Variants in ZNF469 observed in about 807,000 individuals in gnomAD.
ZNF469 encodes the protein zinc finger protein 469.
Under a neutral mutation model 1.0 loss-of-function variants are expected in ZNF469, and 1 was observed. The observed-to-expected ratio is 1.00, with a 90% CI of 0.35 to 4.73. The LOEUF is 4.73. Among genes scored for constraint, ZNF469 ranks in the 30% most tolerant of loss-of-function variants. The probability of loss-of-function intolerance (pLI) is 0.16; values close to 1 mark genes in which losing one functional copy is unlikely to be tolerated. For synonymous variants in ZNF469, 2,703 were observed against 2,363.4 expected (o/e 1.14, Z -4.17); for missense variants, 6,100 against 5,356.3 (o/e 1.14, Z -4.33).
At chr16:88,263,164 C>T in the ZNF469 span, among the ~76,000 whole-genome samples, 2 of 152,192 alleles carry the variant, frequency 1.3e-5, no homozygotes, top group Non-Finnish European at 2.9e-5. Context: ...TGTCCAACCC[C>T]GGGGTTTACG....
At chr16:88,298,501 C>T in the ZNF469 span, among the ~76,000 whole-genome samples, 12 of 152,266 alleles carry the variant, frequency 7.9e-5, no homozygotes, top group South Asian at 4.2e-4. Context: ...CCCTGGAAGG[C>T]GAAACTCAAA....
the ZNF469 span, among the ~76,000 whole-genome samples, chr16:88,219,184 C>T: frequency 6.7e-6 from 1 of 148,482 alleles, no homozygotes; most frequent in Non-Finnish European, 1.5e-5. Context: ...GTGAAAATGG[C>T]CATACTGCCC....
the ZNF469 span, among the ~76,000 whole-genome samples, chr16:88,163,895 A>ATGG: frequency 5.8e-4 from 81 of 140,426 alleles, no homozygotes; most frequent in Non-Finnish European, 7.1e-4. Context: ...TGGGTAGATG[A>ATGG]ATGGATGGAT....
the ZNF469 span, among the ~76,000 whole-genome samples, chr16:88,216,684 G>A: frequency 5.3e-5 from 8 of 152,114 alleles, no homozygotes; most frequent in Admixed American, 6.5e-5. Context: ...TCATGCTTCT[G>A]ATTGAAAGGG....
At chr16:88,358,445 A>G in the ZNF469 span, among the ~76,000 whole-genome samples, 1 of 152,138 alleles carries the variant, frequency 6.6e-6, no homozygotes, top group Non-Finnish European at 1.5e-5. Flanking sequence ...AATGTCTGTA[A>G]AATGAACCTG....
chr16:88,293,931 G>T, the ZNF469 span, among the ~76,000 whole-genome samples: 1 of 152,172 alleles, frequency 6.6e-6, no homozygotes, highest in African/African-American at 2.4e-5. Context: ...CGTGACACAG[G>T]TGGAGGGAAC....
chr16:88,342,530 A>C, the ZNF469 span, among the ~76,000 whole-genome samples: 1 of 152,110 alleles, frequency 6.6e-6, no homozygotes, highest in East Asian at 1.9e-4. Context: ...ACTGCCCTGC[A>C]CTCAGGTAGG....
At chr16:88,127,054 C>G in the ZNF469 span, among the ~76,000 whole-genome samples, 1 of 152,302 alleles carries the variant, frequency 6.6e-6, no homozygotes, top group Admixed American at 6.5e-5. Context: ...AACTCCTGAC[C>G]TCAGGTGATC....
At chr16:88,392,114 AATTGT>A (rs767181602) in intron 1 of ZNF469, among the ~76,000 whole-genome samples, 7 of 152,286 alleles carry the variant, frequency 4.6e-5, no homozygotes, top group Non-Finnish European at 8.8e-5. Flanking sequence ...AGATGAAGTT[AATTGT>A]ATTGTATCTG....
the ZNF469 span, among the ~76,000 whole-genome samples, chr16:88,335,833 ATGTT>A: frequency 6.6e-6 from 1 of 152,094 alleles, no homozygotes; most frequent in African/African-American, 2.4e-5. Flanking sequence ...AATACCACAC[ATGTT>A]CATCCTTCAT....
At chr16:88,177,482 T>C in the ZNF469 span, 2 of 152,142 alleles carry the variant, frequency 1.3e-5, no homozygotes, top group East Asian at 1.9e-4. The surrounding 1 kb of genome is among the most constrained non-coding windows in gnomAD (Gnocchi z 4.8). Flanking sequence ...TGAAGCGACA[T>C]GTTCTAAAGT....
At chr16:88,406,233 C>T (rs56256426) in intron 1 of ZNF469, among the ~76,000 whole-genome samples, 7,834 of 152,216 alleles carry the variant, frequency 0.051, 247 homozygotes, top group East Asian at 0.071. Flanking sequence ...AGGGCAGAAA[C>T]GTGGGTGTGT....
At chr16:88,130,323 T>C in the ZNF469 span, among the ~76,000 whole-genome samples, 2 of 151,996 alleles carry the variant, frequency 1.3e-5, no homozygotes, top group Non-Finnish European at 2.9e-5. Flanking sequence ...GTATAGTCAG[T>C]TCTGCCAAAA....
chr16:88,200,412 C>T, the ZNF469 span, among the ~76,000 whole-genome samples: 4 of 152,296 alleles, frequency 2.6e-5, no homozygotes, highest in African/African-American at 4.8e-5. Context: ...CATAGGGGAC[C>T]GAGGAACCGC....
chr16:88,338,573 A>G, the ZNF469 span, among the ~76,000 whole-genome samples: 1 of 152,326 alleles, frequency 6.6e-6, no homozygotes, highest in African/African-American at 2.4e-5. Context: ...ACCAAGGAAG[A>G]AACACGGAGG....
At chr16:88,268,440 A>G in the ZNF469 span, among the ~76,000 whole-genome samples, 16 of 152,172 alleles carry the variant, frequency 1.1e-4, no homozygotes, top group Non-Finnish European at 5.9e-5. Flanking sequence ...CCTCCTCTCA[A>G]CTGAGACCGT....
At chr16:88,216,878 A>G in the ZNF469 span, among the ~76,000 whole-genome samples, 2 of 150,658 alleles carry the variant, frequency 1.3e-5, no homozygotes, top group East Asian at 1.9e-4. Flanking sequence ...ACTGTTTTCC[A>G]GTTTACCAAG....
At chr16:88,167,093 C>T in the ZNF469 span, among the ~76,000 whole-genome samples, 1 of 146,192 alleles carries the variant, frequency 6.8e-6, no homozygotes, top group African/African-American at 2.5e-5. Context: ...AGGGAAATCC[C>T]ATCTGTCCTC....
chr16:88,269,865 C>T, the ZNF469 span, among the ~76,000 whole-genome samples: 5 of 152,060 alleles, frequency 3.3e-5, no homozygotes, highest in East Asian at 5.8e-4. Context: ...TCTGACTTCC[C>T]GGCGTAGATG....
Sources: allele counts gnomAD v4.1 joint callset (sites outside exome capture counted in the v4.1 genomes callset), GRCh38; gene constraint gnomAD v4.1.1; non-coding constraint Gnocchi (gnomAD v3.1); transcripts MANE v1.5; gene names NCBI Gene and HGNC (gene_info 2026-07-23, HGNC 2026-07-21).